The following ZNF117 variants were observed in gnomAD, a reference collection of about 807,000 sequenced individuals.
ZNF117 encodes zinc finger protein 117.
A neutral mutation model predicts 41.2 loss-of-function variants in ZNF117; 37 were observed. That is an observed-to-expected ratio of 0.90 (90% CI 0.69 to 1.18). ZNF117 has a LOEUF of 1.18. Ranked by LOEUF, ZNF117 falls within the 50% of genes most tolerant of loss-of-function variation. ZNF117 has a pLI of 0.00. For synonymous variants in ZNF117, 186 were observed against 186.6 expected (o/e 1.00, Z 0.02); for missense variants, 546 against 557.5 (o/e 0.98, Z 0.21).
At chr7:64,982,451 T>C (rs1401697222), upstream of ZNF117, among the ~76,000 whole-genome samples, 1 of 152,222 alleles carries the variant, frequency 6.6e-6, no homozygotes, top group Non-Finnish European at 1.5e-5. Flanking sequence ...TTGTGTGTAT[T>C]TTTGAGATGA....
At chr7:64,978,503 A>G (rs1378838215) in exon 3 of ZNF117, 1 of 1,613,270 alleles carries the variant, frequency 6.2e-7, no homozygotes, top group Non-Finnish European at 8.5e-7. Flanking sequence ...GTTTCTCTCC[A>G]GTATGAATTA....
At chr7:64,972,654 G>A (rs1584042025), downstream of ZNF117, 1 of 151,928 alleles carries the variant, frequency 6.6e-6, no homozygotes, top group South Asian at 2.1e-4. Flanking sequence ...AAAAAGGGGG[G>A]TTTTGGAAGA....
chr7:64,978,182 A>G, exon 3 of ZNF117: 1 of 1,612,536 alleles, frequency 6.2e-7, no homozygotes, highest in Non-Finnish European at 8.5e-7. Context: ...GAATTATCTT[A>G]TGTGTAGTAA....
downstream of ZNF117, chr7:64,972,300 T>G (rs1785796402): frequency 7.3e-5 from 1 of 13,738 alleles, no homozygotes; most frequent in South Asian, 0.045. Flanking sequence ...GCAATTTTAC[T>G]GTATATATCC....
exon 3 of ZNF117, chr7:64,979,121 T>C: frequency 6.2e-7 from 1 of 1,612,118 alleles, no homozygotes; most frequent in Non-Finnish European, 8.5e-7. Context: ...TATTAAGGGT[T>C]GAGGACCAGT....
rs1367010886 is a variant in ZNF117 at position 64,989,456 on chromosome 7, T to C, written c.-196+491A>G. On this transcript the variant is annotated intron_variant, in intron 1 of 3. Transcript: ENST00000282869. ...TAGAACTTAAAATTATATATATATATATATATATATATATATATATATATA... is the reference window on the plus strand; with the variant it reads ...TAGAACTTAAAATTATATATATATACATATATATATATATATATATATATA... 4.3e-3 allele frequency among the ~76,000 whole-genome samples: 129 copies of C among 29,994 alleles called. 1 individual carries two copies. The highest frequency in any genetic ancestry group is 8.1e-3 in the Admixed American group (32 of 3,942). 19.7% of individuals were successfully genotyped at this position (29,994 alleles called of 152,430 possible).
At chr7:64,983,063 T>C (rs1004494405), upstream of ZNF117, among the ~76,000 whole-genome samples, 6 of 152,240 alleles carry the variant, frequency 3.9e-5, no homozygotes, top group East Asian at 1.2e-3. Flanking sequence ...TGATTTTAAG[T>C]AGTTTTTCTT....
chr7:64,979,366 G>C lies in ZNF117; in HGVS notation c.205C>G (p.Leu69Val), dbSNP rs762234785. 17 of 1,603,106 alleles carry C rather than the reference G, an allele frequency of 1.1e-5. No homozygotes were observed. In the South Asian group the frequency reaches 1.9e-4, roughly 18 times the overall value. The stretch of plus-strand genomic sequence containing the variant: ...AAGGTAGTTTTCAAACATTGGTTAA[G>C]TCCACTATAATCTCCTTTGTGCTGT... Residue 69 changes from leucine to valine, a missense_variant, in exon 3 of 3, where the codon CTT becomes GTT. Transcript: ENST00000620222.
At chr7:64,982,946 C>T (rs912584651), upstream of ZNF117, among the ~76,000 whole-genome samples, 8 of 152,098 alleles carry the variant, frequency 5.3e-5, no homozygotes, top group Admixed American at 1.3e-4. Flanking sequence ...TTCACTGCTG[C>T]GATATTGATC....
exon 1 of ZNF117, chr7:64,990,356 T>A (rs1786236069): frequency 5.8e-6 from 1 of 171,152 alleles, no homozygotes; most frequent in Non-Finnish European, 1.2e-5. Context: ...GAGAGATCAC[T>A]GGGTGCAACA....
intron 1 of ZNF117, among the ~76,000 whole-genome samples, chr7:64,988,334 A>C (rs1786178740): frequency 6.6e-6 from 1 of 152,228 alleles, no homozygotes; most frequent in Non-Finnish European, 1.5e-5. Flanking sequence ...TCATTACAAA[A>C]ACAAAAATAA....
Position 64,979,413 on chromosome 7 carries a change from C to T in ZNF117, c.158G>A (p.Cys53Tyr), listed in dbSNP as rs777274537. ...CTGTTTACACTCAACCACACTTTTA[C>T]AGCCTTTTCTTAACTGTAAATTCTC... The change falls in exon 3 of 3, where the codon TGT (cysteine) becomes TAT (tyrosine). Residue 53 changes from cysteine to tyrosine, a missense_variant. Cys to Tyr is a radical substitution (Grantham distance 194). Transcript: ENST00000620222. The T allele has an allele frequency of 5.6e-6, 9 of 1,610,612 alleles. No individual in the cohort carries two copies. In the Admixed American group the frequency reaches 1.0e-4, roughly 18 times the overall value.
At chr7:64,982,234 T>C (rs1038835681), upstream of ZNF117, 19 of 435,892 alleles carry the variant, frequency 4.4e-5, no homozygotes, top group African/African-American at 1.3e-4. Context: ...TTCTGACTTA[T>C]AGGAGTGAAT....
upstream of ZNF117, among the ~76,000 whole-genome samples, chr7:64,984,282 C>T (rs1235460377): frequency 6.6e-6 from 1 of 152,168 alleles, no homozygotes; most frequent in Non-Finnish European, 1.5e-5. Flanking sequence ...CAGGCATGTG[C>T]CATCACGCCC....
chr7:64,981,596 A>C, intron 1 of ZNF117, 114 bp from the exon 3 acceptor site: 15 of 905,898 alleles, frequency 1.7e-5, no homozygotes, highest in South Asian at 4.0e-5. Context: ...TAATCCCCAA[A>C]TGCTAATTTA....
exon 3 of ZNF117, chr7:64,978,642 C>T (rs1218977355): frequency 6.2e-6 from 10 of 1,612,558 alleles, no homozygotes; most frequent in Non-Finnish European, 8.5e-6. Context: ...AGCTTTGCCA[C>T]ATTCTTCACA....
chr7:64,976,102 T>G (rs1319321394), exon 3 of ZNF117: 1 of 152,170 alleles, frequency 6.6e-6, no homozygotes, highest in Non-Finnish European at 1.5e-5. Context: ...CAACCCTCTT[T>G]ATGTACCTAA....
At chr7:64,978,324 A>T (rs757793015) in exon 3 of ZNF117, 1 of 1,596,192 alleles carries the variant, frequency 6.3e-7, no homozygotes, top group South Asian at 1.1e-5. Flanking sequence ...ACATTTGTAG[A>T]GTTTCTCTCC....
chr7:64,985,423 G>A (rs1046339463), upstream of ZNF117, among the ~76,000 whole-genome samples: 1 of 152,074 alleles, frequency 6.6e-6, no homozygotes, highest in Non-Finnish European at 1.5e-5. Flanking sequence ...CTATCTTCAT[G>A]CTCAACTTTT....
Sources: allele counts gnomAD v4.1 joint callset (sites outside exome capture counted in the v4.1 genomes callset), GRCh38; gene constraint gnomAD v4.1.1; transcripts MANE v1.5; gene names NCBI Gene and HGNC (gene_info 2026-07-23, HGNC 2026-07-21).